Variants in TJP1 observed in about 807,000 individuals in gnomAD.
TJP1 encodes the protein tight junction protein 1, also known as tight junction protein ZO-1.
Under a neutral mutation model 194.2 loss-of-function variants are expected in TJP1, and 43 were observed. The observed-to-expected ratio is 0.22, with a 90% CI of 0.17 to 0.29. TJP1 has a LOEUF of 0.29. TJP1 is among the 10% of genes least tolerant of loss of function. TJP1 has a pLI of 1.00. For synonymous variants in TJP1, 801 were observed against 779.0 expected (o/e 1.03, Z -0.47); for missense variants, 1,971 against 2,185.7 (o/e 0.90, Z 1.96).
exon 2 of TJP1, chr15:29,956,274 G>C: frequency 7.8e-7 from 1 of 1,288,988 alleles, no homozygotes; most frequent in Non-Finnish European, 1.0e-6. Flanking sequence ...TTTTGCTTCT[G>C]TGTAATCTCC....
chr15:29,944,471 G>A (rs1021572931), intron 2 of TJP1, among the ~76,000 whole-genome samples: 1 of 152,072 alleles, frequency 6.6e-6, no homozygotes, highest in African/African-American at 2.4e-5. Context: ...GGGGACGGGG[G>A]CACCAAGGAA....
chr15:29,884,791 C>T (rs2053059867), intron 2 of TJP1, among the ~76,000 whole-genome samples: 1 of 152,170 alleles, frequency 6.6e-6, no homozygotes, highest in Admixed American at 6.5e-5. Flanking sequence ...AAGGCTGCCA[C>T]AAACACCACA....
At chr15:29,826,446 T>TCCTTTAAG (rs2050679074), upstream of TJP1, among the ~76,000 whole-genome samples, 2 of 152,170 alleles carry the variant, frequency 1.3e-5, no homozygotes, top group Admixed American at 1.3e-4. Flanking sequence ...TTCCTATGAT[T>TCCTTTAAG]CCTTTAAGAC....
chr15:29,954,166 A>C (rs1471464360), intron 2 of TJP1, among the ~76,000 whole-genome samples: 2 of 152,208 alleles, frequency 1.3e-5, no homozygotes, highest in Non-Finnish European at 2.9e-5. Context: ...TCTTTCATGA[A>C]ATGAGGGAGA....
intron 2 of TJP1, among the ~76,000 whole-genome samples, chr15:29,932,479 T>C (rs2054751830): frequency 1.3e-5 from 2 of 151,744 alleles, no homozygotes; most frequent in Admixed American, 1.3e-4. Flanking sequence ...AAAAACTAAA[T>C]TTCAGAATAA....
intron 22 of TJP1, among the ~76,000 whole-genome samples, chr15:29,717,622 C>T (rs1411604004): frequency 6.6e-6 from 1 of 152,204 alleles, no homozygotes; most frequent in African/African-American, 2.4e-5. Context: ...AGGGCAAGCA[C>T]CTTATGCATG....
intron 2 of TJP1, among the ~76,000 whole-genome samples, chr15:29,785,755 A>G (rs911093850): frequency 5.3e-5 from 8 of 152,168 alleles, no homozygotes; most frequent in African/African-American, 1.7e-4. Flanking sequence ...TGAACATTCA[A>G]TGGAACCTGT....
intron 1 of TJP1, among the ~76,000 whole-genome samples, chr15:29,958,270 C>T (rs1041165634): frequency 6.7e-6 from 1 of 149,820 alleles, no homozygotes; most frequent in Non-Finnish European, 1.5e-5. Context: ...TTCAAGTGTT[C>T]GAAGTCTCTC....
At chr15:29,791,090 G>A (rs532853793) in intron 2 of TJP1, among the ~76,000 whole-genome samples, 5 of 151,084 alleles carry the variant, frequency 3.3e-5, no homozygotes, top group Non-Finnish European at 5.9e-5. Flanking sequence ...GCAATGGCGC[G>A]ATTTCGGCTC....
At chr15:29,968,606 G>A in intron 1 of TJP1, 1 of 946,186 alleles carries the variant, frequency 1.1e-6, no homozygotes, top group Non-Finnish European at 1.3e-6. Flanking sequence ...CTCCCACTCC[G>A]GCCCCCGCCC....
At chr15:29,787,126 A>G (rs1034780031) in intron 2 of TJP1, among the ~76,000 whole-genome samples, 1 of 152,130 alleles carries the variant, frequency 6.6e-6, no homozygotes, top group African/African-American at 2.4e-5. Flanking sequence ...CACTTTACTG[A>G]TATATAATTC....
At chr15:29,869,867 C>T (rs1301538546) in intron 2 of TJP1, among the ~76,000 whole-genome samples, 2 of 129,430 alleles carry the variant, frequency 1.5e-5, no homozygotes, top group East Asian at 2.4e-4. Flanking sequence ...AGTGCAGTGG[C>T]GCGATCTCGG....
At position 29,772,156 on chromosome 15, in the gene TJP1, G is replaced by A; in HGVS notation, c.220C>T (p.Arg74Ter). 6.3e-7 allele frequency: 1 copy of A among 1,597,556 alleles called. No homozygotes were observed. ...GAAACTCCGTTAACCATTGCAACTC[G>A]GTCATTTTCCCTAAGGGGAAAAGGG... ...PAEGQLQEND[R>*]VAMVNGVSMD... The change falls in exon 4 of 28, where the codon CGA (arginine) becomes TGA (stop). Residue 74 changes from arginine to a stop codon, truncating the protein, a stop_gained. Transcript: ENST00000614355. LOFTEE classifies it high-confidence loss of function.
In TJP1 at chr15:29,720,511, C is replaced by T. The variant is rs759000938; in HGVS notation, c.2610G>A (p.Pro870=). The T allele has an allele frequency of 2.5e-5, 40 of 1,613,958 alleles. No individual in the cohort carries two copies. The highest frequency in any genetic ancestry group is 1.1e-4 in the African/African-American group (8 of 74,892). The part of the protein sequence containing the change: ...ETLNDEVGTP[P]ESAITRSSEP... Reference sequence around the variant, plus strand: ...CAGAGGACCGTGTAATGGCAGACTCCGGTGGAGTCCCAACCTCATCATTAA... The same window carrying T: ...CAGAGGACCGTGTAATGGCAGACTCTGGTGGAGTCCCAACCTCATCATTAA... The change falls in exon 19 of 28, where the codon CCG becomes CCA. Residue 870 remains proline (P), a synonymous_variant. Coordinates refer to ENST00000614355, the MANE Select transcript of TJP1 (RefSeq NM_001330239.4).
At chr15:29,948,260 CAA>C (rs35983966) in intron 2 of TJP1, among the ~76,000 whole-genome samples, 7,038 of 95,182 alleles carry the variant, frequency 0.074, 443 homozygotes, top group African/African-American at 0.21. Flanking sequence ...CACTCCATCA[CAA>C]AAAAAAAAAA....
chr15:29,952,547 A>G (rs1035368688), intron 2 of TJP1, among the ~76,000 whole-genome samples: 3 of 152,178 alleles, frequency 2.0e-5, no homozygotes, highest in Non-Finnish European at 4.4e-5. Flanking sequence ...TGGGACCAGG[A>G]AACTACAGCA....
At chr15:29,759,931 C>A in intron 8 of TJP1, 1 of 390,286 alleles carries the variant, frequency 2.6e-6, no homozygotes, top group Admixed American at 4.4e-5. Flanking sequence ...CATGAGAGTG[C>A]AGATATCTCT....
chr15:29,833,425 G>T (rs549862380), intron 2 of TJP1, among the ~76,000 whole-genome samples: 10 of 151,914 alleles, frequency 6.6e-5, no homozygotes, highest in Admixed American at 3.9e-4. Context: ...AGACAGTCTC[G>T]CTCTGTCACC....
At chr15:29,824,763 A>G (rs1001147340), upstream of TJP1, among the ~76,000 whole-genome samples, 4 of 152,230 alleles carry the variant, frequency 2.6e-5, no homozygotes, top group Admixed American at 6.5e-5. Flanking sequence ...GACACTATCT[A>G]CAAATGCACT....
Sources: gnomAD v4.1 joint callset for allele counts (sites outside exome capture counted in the v4.1 genomes callset) on GRCh38, gnomAD v4.1.1 for gene constraint, MANE v1.5 for transcripts, NCBI Gene and HGNC (gene_info 2026-07-23, HGNC 2026-07-21) for gene names.